PPP1R14C: variants seen among roughly 807,000 people sequenced by gnomAD.
The protein encoded by PPP1R14C is protein phosphatase 1 regulatory inhibitor subunit 14C, also known as protein phosphatase 1 regulatory subunit 14C.
A neutral mutation model predicts 20.4 loss-of-function variants in PPP1R14C; 16 were observed. That is an observed-to-expected ratio of 0.78 (90% CI 0.53 to 1.19). The LOEUF is 1.19. Among genes scored for constraint, PPP1R14C ranks in the 50% most tolerant of loss-of-function variants. PPP1R14C has a pLI of 0.00. For synonymous variants in PPP1R14C, 91 were observed against 91.0 expected, an observed-to-expected ratio of 1.00 and a Z score of 0.00; for missense variants, 211 against 220.1, an observed-to-expected ratio of 0.96 and a Z score of 0.26.
intron 1 of PPP1R14C, among the ~76,000 whole-genome samples, chr6:150,200,926 C>T (rs986256723): frequency 3.9e-5 from 6 of 152,108 alleles, no homozygotes; most frequent in Admixed American, 6.5e-5. Flanking sequence ...TGCCTGGAGC[C>T]GCATGTCTGA....
intron 1 of PPP1R14C, among the ~76,000 whole-genome samples, chr6:150,147,361 G>A (rs1777191651): frequency 6.6e-6 from 1 of 151,960 alleles, no homozygotes; most frequent in Admixed American, 6.5e-5. Context: ...TGTATTTTTA[G>A]TAGAGACAGG....
At chr6:150,168,711 C>T (rs1777465286) in intron 1 of PPP1R14C, among the ~76,000 whole-genome samples, 1 of 151,966 alleles carries the variant, frequency 6.6e-6, no homozygotes, top group Admixed American at 6.6e-5. Flanking sequence ...ACCTTAAGAG[C>T]GTAAGAATAG....
At chr6:150,168,721 G>A (rs915092015) in intron 1 of PPP1R14C, among the ~76,000 whole-genome samples, 1 of 152,046 alleles carries the variant, frequency 6.6e-6, no homozygotes, top group Non-Finnish European at 1.5e-5. Flanking sequence ...CGTAAGAATA[G>A]GCAGATAACA....
intron 3 of PPP1R14C, among the ~76,000 whole-genome samples, chr6:150,225,491 C>T (rs1262533243): frequency 1.3e-5 from 2 of 152,200 alleles, no homozygotes; most frequent in Non-Finnish European, 2.9e-5. Flanking sequence ...TCTGTATTCA[C>T]CTGTGAGTCC....
chr6:150,148,322 G>T (rs1777201791), intron 1 of PPP1R14C, among the ~76,000 whole-genome samples: 1 of 151,984 alleles, frequency 6.6e-6, no homozygotes, highest in Admixed American at 6.6e-5. Flanking sequence ...ACTCTCAGCT[G>T]GGATGTGACA....
chr6:150,238,553 CAG>C (rs1265464234), intron 3 of PPP1R14C, among the ~76,000 whole-genome samples: 1 of 152,270 alleles, frequency 6.6e-6, no homozygotes, highest in Non-Finnish European at 1.5e-5. Context: ...ACTGGCCTGA[CAG>C]GGGCTGTCCT....
intron 1 of PPP1R14C, chr6:150,194,762 A>G: frequency 1.0e-6 from 1 of 985,244 alleles, no homozygotes; most frequent in Non-Finnish European, 1.2e-6. Context: ...ATAGTTTAAG[A>G]CCCTGTTTTG....
chr6:150,146,560 T>A (rs944220893), intron 1 of PPP1R14C, among the ~76,000 whole-genome samples: 1 of 152,126 alleles, frequency 6.6e-6, no homozygotes, highest in Non-Finnish European at 1.5e-5. Flanking sequence ...TTTCTTCCCT[T>A]TTGCTTCCCA....
chr6:150,159,774 C>T (rs1777344837), intron 1 of PPP1R14C, among the ~76,000 whole-genome samples: 1 of 152,188 alleles, frequency 6.6e-6, no homozygotes, highest in Non-Finnish European at 1.5e-5. Flanking sequence ...AATGAATGAA[C>T]CAATATTGAT....
chr6:150,157,319 T>G (rs763915137), intron 1 of PPP1R14C, among the ~76,000 whole-genome samples: 1 of 152,160 alleles, frequency 6.6e-6, no homozygotes, highest in Non-Finnish European at 1.5e-5. Flanking sequence ...GCTCTAGGAA[T>G]CCATGCTTGT....
intron 3 of PPP1R14C, among the ~76,000 whole-genome samples, chr6:150,224,772 C>G (rs906764294): frequency 1.3e-5 from 2 of 152,158 alleles, no homozygotes; most frequent in African/African-American, 4.8e-5. Context: ...CTAATGCTTG[C>G]TCTGTCTCTT....
chr6:150,247,501 C>T (rs1288395590), intron 3 of PPP1R14C, among the ~76,000 whole-genome samples: 2 of 152,162 alleles, frequency 1.3e-5, no homozygotes, highest in Non-Finnish European at 2.9e-5. Flanking sequence ...GATCGATTTA[C>T]AGGTCATGAA....
At chr6:150,147,900 T>C (rs1019954339) in intron 1 of PPP1R14C, among the ~76,000 whole-genome samples, 2 of 152,170 alleles carry the variant, frequency 1.3e-5, no homozygotes, top group African/African-American at 4.8e-5. Flanking sequence ...ACCCTGTTGA[T>C]TGCTGCCTGA....
intron 1 of PPP1R14C, among the ~76,000 whole-genome samples, chr6:150,153,929 AG>A (rs778295301): frequency 6.6e-6 from 1 of 152,236 alleles, no homozygotes; most frequent in African/African-American, 2.4e-5. Flanking sequence ...GGTTATAAAA[AG>A]CTTCACCCTT....
chr6:150,146,986 T>C (rs1416900943), intron 1 of PPP1R14C, among the ~76,000 whole-genome samples: 1 of 152,182 alleles, frequency 6.6e-6, no homozygotes, highest in Non-Finnish European at 1.5e-5. Context: ...TGATTTGTTA[T>C]GTGCTTATAG....
At chr6:150,233,509 CT>C (rs1778317659) in intron 3 of PPP1R14C, among the ~76,000 whole-genome samples, 1 of 152,170 alleles carries the variant, frequency 6.6e-6, no homozygotes, top group Admixed American at 6.5e-5. Flanking sequence ...TTAAGAAAGA[CT>C]AATAAAATCA....
chr6:150,219,969 C>G (rs1778147147), intron 3 of PPP1R14C, among the ~76,000 whole-genome samples: 1 of 152,072 alleles, frequency 6.6e-6, no homozygotes, highest in Admixed American at 6.5e-5. Flanking sequence ...GATGCTCGTG[C>G]CTCAGCCTCC....
At chr6:150,192,591 G>A (rs553683108) in intron 1 of PPP1R14C, among the ~76,000 whole-genome samples, 17 of 152,262 alleles carry the variant, frequency 1.1e-4, no homozygotes, top group African/African-American at 3.6e-4. Flanking sequence ...ATTCAGACTG[G>A]CAAATTACCT....
chr6:150,144,686 C>G (rs1777162456), intron 1 of PPP1R14C, among the ~76,000 whole-genome samples: 1 of 152,156 alleles, frequency 6.6e-6, no homozygotes, highest in African/African-American at 2.4e-5. Context: ...TCTTAAACAC[C>G]CTCATTGCAC....
Sources: gnomAD v4.1 joint callset for allele counts (sites outside exome capture counted in the v4.1 genomes callset) on GRCh38, gnomAD v4.1.1 for gene constraint, MANE v1.5 for transcripts, NCBI Gene and HGNC (gene_info 2026-07-23, HGNC 2026-07-21) for gene names.